The following DENND2C variants were observed in gnomAD, a reference collection of about 807,000 sequenced individuals.
DENND2C encodes DENN domain containing 2C, also known as DENN domain-containing protein 2C.
A neutral mutation model predicts 112.4 loss-of-function variants in DENND2C; 72 were observed. The ratio of observed to expected loss-of-function variants is 0.64; its 90% confidence interval spans 0.53 to 0.78. The LOEUF (loss-of-function observed/expected upper bound fraction) is 0.78, where lower values mean the gene tolerates loss of function less well. Ranked by LOEUF, DENND2C falls within the 30% of genes least tolerant of loss-of-function variation. DENND2C has a pLI of 0.00. For missense variants in DENND2C, 992 were observed against 1,113.8 expected (o/e 0.89, Z 1.56); for synonymous variants, 329 against 381.6 (o/e 0.86, Z 1.61).
chr1:114,612,893 T>C (rs1174975882), intron 8 of DENND2C, among the ~76,000 whole-genome samples: 5 of 151,908 alleles, frequency 3.3e-5, no homozygotes, highest in Admixed American at 3.3e-4. Context: ...ACTCCTGGGG[T>C]CAAGTGATCC....
rs1433704966 is a variant in DENND2C at position 114,583,560 on chromosome 1, A to G, written c.*2040T>C. On this transcript the variant is annotated 3_prime_UTR_variant, in exon 21 of 21. Transcript: ENST00000393274. Reference sequence around the variant, plus strand: ...AGTGACTCATGCCTGTAATCCCAGCACTTTGGGAGGCCAAGGTGGGTGGAT... The same window carrying G: ...AGTGACTCATGCCTGTAATCCCAGCGCTTTGGGAGGCCAAGGTGGGTGGAT... The G allele has an allele frequency of 6.7e-6, 1 of 149,242 alleles. No individual in the cohort carries two copies. Among genetic ancestry groups the G allele is most frequent in the African/African-American group, 2.5e-5 (1 of 39,996 alleles). 9.2% of individuals were successfully genotyped at this position (149,242 alleles called of 1,614,324 possible). A position where few individuals can be genotyped will look rare whatever the true frequency, so the allele number is the denominator to read the frequency against.
In DENND2C at chr1:114,583,027, C is replaced by G. The variant is rs888901140; in HGVS notation, c.*2573G>C. The G allele has an allele frequency of 5.9e-5, 9 of 152,052 alleles. No individual in the cohort carries two copies. The highest frequency in any genetic ancestry group is 2.0e-4 in the Admixed American group (3 of 15,146). The allele number at this position is 152,052 out of a possible 1,614,324, so 9.4% of individuals were successfully genotyped here. On this transcript the variant is annotated 3_prime_UTR_variant, in exon 21 of 21. Coordinates refer to ENST00000393274, the MANE Select transcript of DENND2C (RefSeq NM_001256404.2). ...AAGACACCATTGCTGAAGCAAAGGTCTCCTCCTAGAGGGATAGCCAGGATC... is the reference window on the plus strand; with the variant it reads ...AAGACACCATTGCTGAAGCAAAGGTGTCCTCCTAGAGGGATAGCCAGGATC...
At chr1:114,650,189 G>T (rs1401938317) in intron 2 of DENND2C, among the ~76,000 whole-genome samples, 1 of 152,054 alleles carries the variant, frequency 6.6e-6, no homozygotes, top group African/African-American at 2.4e-5. Flanking sequence ...CAGGCGTGGT[G>T]TTGCACGCCT....
intron 1 of DENND2C, among the ~76,000 whole-genome samples, chr1:114,662,366 C>T (rs1171044737): frequency 6.6e-6 from 1 of 152,070 alleles, no homozygotes. Flanking sequence ...CTCTCTCTCT[C>T]CCCCACCAAT....
Position 114,587,459 on chromosome 1 carries a change from G to C in DENND2C, c.2683C>G (p.Arg895Gly). 1.9e-6 allele frequency: 3 copies of C among 1,614,098 alleles called. No homozygotes were observed. The highest frequency in any genetic ancestry group is 2.5e-6 in the Non-Finnish European group (3 of 1,180,028). ...KSGVKGLFEI[R>G]AIQYLETIPE... ...ATTGTTTCCAAATACTGGATGGCCC[G>C]GATCTCAAACAAACCTACAAGGAAA... is the stretch of plus-strand genomic sequence containing the variant. Residue 895 changes from arginine (R) to glycine (G), a missense_variant, in exon 20 of 21, where the codon CGG becomes GGG. Around this residue, in one of 3 missense-constraint regions of DENND2C, gnomAD observed 516 missense variants for 623.6 expected, o/e 0.83. Coordinates refer to ENST00000393274, the MANE Select transcript of DENND2C (RefSeq NM_001256404.2).
At chr1:114,623,668 A>G in intron 4 of DENND2C, 25 bp from the exon 5 acceptor site, 1 of 1,511,200 alleles carries the variant, frequency 6.6e-7, no homozygotes, top group East Asian at 2.4e-5. Flanking sequence ...TATATTTTAA[A>G]GTTATATCTT....
intron 3 of DENND2C, among the ~76,000 whole-genome samples, chr1:114,644,291 C>A (rs1656920575): frequency 6.6e-6 from 1 of 152,094 alleles, no homozygotes; most frequent in Non-Finnish European, 1.5e-5. Context: ...TAGAACTTAT[C>A]ATTTATCTGA....
At position 114,625,725 on chromosome 1, in the gene DENND2C, G is replaced by A; in HGVS notation, c.260C>T (p.Thr87Ile). The change falls in exon 4 of 21, where the codon ACC becomes ATC. Residue 87 changes from threonine to isoleucine, a missense_variant. Thr to Ile is a moderately conservative substitution (Grantham distance 89, BLOSUM62 -1). This residue lies in a region of DENND2C where 470 missense variants were observed against 472.7 expected (regional missense o/e 0.99). Transcript: ENST00000393274. ...ATTCTCACTTTGATCATGGCTTTTG[G>A]TATTTTCATTTATATCTAGACCCAC... is the stretch of plus-strand genomic sequence containing the variant. ...ENVGLDINENTKSHDQSENEN... is the reference protein window; with the variant it reads ...ENVGLDINENIKSHDQSENEN... The A allele has an allele frequency of 6.2e-7, 1 of 1,613,902 alleles. No homozygotes were observed. Among genetic ancestry groups the A allele is most frequent in the Non-Finnish European group, 8.5e-7 (1 of 1,179,982 alleles).
chr1:114,618,039 A>C (rs902503305), intron 8 of DENND2C, among the ~76,000 whole-genome samples: 1 of 150,670 alleles, frequency 6.6e-6, no homozygotes, highest in Non-Finnish European at 1.5e-5. Flanking sequence ...TCCAGACTGG[A>C]GTGCAGTGGT....
chr1:114,654,029 A>C (rs910379185), intron 2 of DENND2C, among the ~76,000 whole-genome samples: 5 of 152,224 alleles, frequency 3.3e-5, no homozygotes, highest in African/African-American at 1.2e-4. Context: ...GTAAGAATAA[A>C]TAGAATTTAT....
chr1:114,630,950 C>A lies in DENND2C; in HGVS notation c.-204-4762G>T, dbSNP rs562686984. ...TGATTTACCAGCAGGATGAAATTAA[C>A]CCTAGAGTAAAGACTATCTTAGAGC... On this transcript the variant is annotated intron_variant, in intron 3 of 20. Transcript: ENST00000393274. Among the ~76,000 whole-genome samples, 9 of 152,272 alleles carry A rather than the reference C, an allele frequency of 5.9e-5. No individual in the cohort carries two copies. In the South Asian group the frequency reaches 1.7e-3, roughly 28 times the overall value.
At chr1:114,656,939 T>C (rs887754066) in intron 1 of DENND2C, among the ~76,000 whole-genome samples, 4 of 151,550 alleles carry the variant, frequency 2.6e-5, no homozygotes, top group African/African-American at 9.7e-5. Context: ...TTAGTAGGGA[T>C]GGGGTTTCCC....
chr1:114,588,618 C>T (rs1310637019), intron 18 of DENND2C: 1 of 152,282 alleles, frequency 6.6e-6, no homozygotes, highest in African/African-American at 2.4e-5. Context: ...TTCCATCTGT[C>T]TAAAGGTCAC....
At chr1:114,666,529 C>T (rs1657652952) in intron 1 of DENND2C, among the ~76,000 whole-genome samples, 1 of 152,144 alleles carries the variant, frequency 6.6e-6, no homozygotes, top group African/African-American at 2.4e-5. Context: ...GACCTCAGCT[C>T]ACCGCAACCT....
At chr1:114,642,323 T>C (rs1386273535) in intron 3 of DENND2C, among the ~76,000 whole-genome samples, 1 of 152,192 alleles carries the variant, frequency 6.6e-6, no homozygotes, top group Non-Finnish European at 1.5e-5. Context: ...TAATATGACA[T>C]ATAAGGTCTT....
At chr1:114,656,692 G>A (rs1050658515) in intron 1 of DENND2C, among the ~76,000 whole-genome samples, 8 of 151,962 alleles carry the variant, frequency 5.3e-5, no homozygotes, top group South Asian at 4.2e-4. Context: ...CGCCGCACCC[G>A]GCCTAAACAT....
intron 2 of DENND2C, among the ~76,000 whole-genome samples, chr1:114,651,672 G>C (rs1657169311): frequency 6.6e-6 from 1 of 152,208 alleles, no homozygotes; most frequent in African/African-American, 2.4e-5. Flanking sequence ...TTGGGAGGCG[G>C]ATCCTGCAGA....
chr1:114,659,625 T>G (rs1278207943), intron 1 of DENND2C, among the ~76,000 whole-genome samples: 1 of 152,336 alleles, frequency 6.6e-6, no homozygotes, highest in East Asian at 1.9e-4. Context: ...CTTCAGCATA[T>G]AGCTTCAAAG....
chr1:114,628,231 G>A (rs574560078), intron 3 of DENND2C, among the ~76,000 whole-genome samples: 2 of 151,550 alleles, frequency 1.3e-5, no homozygotes, highest in East Asian at 3.9e-4. Flanking sequence ...GAGGCAGGAG[G>A]ACTGCTTGAG....
Sources: allele counts gnomAD v4.1 joint callset (sites outside exome capture counted in the v4.1 genomes callset), GRCh38; gene constraint gnomAD v4.1.1; regional missense constraint gnomAD v4.1.1; transcripts MANE v1.5; gene names NCBI Gene and HGNC (gene_info 2026-07-23, HGNC 2026-07-21).